Variants in PLA1A observed in about 807,000 individuals in gnomAD.
PLA1A encodes phosphatidylserine-specific phospholipase A1alpha.
PLA1A carries 47 observed loss-of-function variants against 49.4 expected under a neutral mutation model. That is an observed-to-expected ratio of 0.95 (90% CI 0.75 to 1.21). The LOEUF (loss-of-function observed/expected upper bound fraction) is 1.21, where lower values mean the gene tolerates loss of function less well. Ranked by LOEUF, PLA1A falls within the 50% of genes most tolerant of loss-of-function variation. PLA1A has a pLI of 0.00. For synonymous variants in PLA1A, 224 were observed against 207.9 expected (o/e 1.08, Z -0.67); for missense variants, 561 against 563.9 (o/e 0.99, Z 0.05).
intron 8 of PLA1A, among the ~76,000 whole-genome samples, chr3:119,624,863 T>C (rs531143048): frequency 6.6e-6 from 1 of 152,236 alleles, no homozygotes; most frequent in Non-Finnish European, 1.5e-5. Flanking sequence ...ACTCCTGACC[T>C]CAGGTGATCC....
chr3:119,611,087 T>A (rs903983892), intron 4 of PLA1A, among the ~76,000 whole-genome samples: 24 of 152,196 alleles, frequency 1.6e-4, no homozygotes, highest in Non-Finnish European at 2.9e-5. Context: ...CTAAAAAAAG[T>A]GTTAATTTTT....
chr3:119,619,565 C>A lies in PLA1A; in HGVS notation c.925C>A (p.Leu309Met). The A allele has an allele frequency of 6.2e-7, 1 of 1,611,614 alleles. No individual in the cohort carries two copies. Among genetic ancestry groups the A allele is most frequent in the Non-Finnish European group, 8.5e-7 (1 of 1,177,658 alleles). The change falls in exon 8 of 11, where the codon CTG (leucine) becomes ATG (methionine). Residue 309 changes from leucine to methionine, a missense_variant and splice_region_variant. Coordinates refer to ENST00000273371, the MANE Select transcript of PLA1A (RefSeq NM_015900.4). Reference protein sequence around the residue: ...PFLLSCPRIGLVEQGGVKIEP... With the variant: ...PFLLSCPRIGMVEQGGVKIEP... ...TGTCTTTGCTTCTTTATTTCCAGGA[C>A]TGGTGGAACAAGGTGGTGTCAAGAT... is the stretch of plus-strand genomic sequence containing the variant.
chr3:119,609,879 T>A (rs975684044), intron 4 of PLA1A, among the ~76,000 whole-genome samples: 4 of 152,220 alleles, frequency 2.6e-5, no homozygotes, highest in African/African-American at 7.2e-5. Context: ...ATTACATGGG[T>A]GTAGCATGTG....
intron 9 of PLA1A, 144 bp downstream of exon 9, chr3:119,625,376 T>C: frequency 1.7e-6 from 1 of 600,500 alleles, no homozygotes; most frequent in African/African-American, 1.9e-5. Context: ...GCACCTACTA[T>C]AGATCCAGCC....
intron 10 of PLA1A, 115 bp from the exon 11 acceptor site, chr3:119,629,269 A>T: frequency 1.4e-6 from 1 of 738,402 alleles, no homozygotes; most frequent in Non-Finnish European, 2.5e-6. Flanking sequence ...ACTGGCTCTT[A>T]ATTGTAGGTG....
At chr3:119,628,017 A>G (rs1187407232) in intron 9 of PLA1A, among the ~76,000 whole-genome samples, 16 of 152,172 alleles carry the variant, frequency 1.1e-4, no homozygotes, top group Non-Finnish European at 2.9e-5. Context: ...TGGGGGGGCA[A>G]AGCCAAGAGG....
chr3:119,621,520 C>T (rs951508638), intron 8 of PLA1A, among the ~76,000 whole-genome samples: 5 of 152,254 alleles, frequency 3.3e-5, no homozygotes, highest in African/African-American at 1.2e-4. Flanking sequence ...CACTCTTGGT[C>T]TGCTTTGACT....
intron 8 of PLA1A, chr3:119,620,102 C>T (rs1440520266): frequency 4.4e-6 from 2 of 457,334 alleles, no homozygotes; most frequent in African/African-American, 4.0e-5. Flanking sequence ...CACTGTTGCT[C>T]CTAACCATGG....
rs759623026 is a variant in PLA1A at position 119,606,964 on chromosome 3, C to T, written c.264C>T (p.Ile88=). The T allele has an allele frequency of 1.1e-5, 18 of 1,613,268 alleles. No homozygotes were observed. The Admixed American group carries it at 3.0e-4, about 27-fold the overall frequency. The change falls in exon 2 of 11, where the codon ATC becomes ATT. Residue 88 remains isoleucine (I), a synonymous_variant. Coordinates refer to ENST00000273371, the MANE Select transcript of PLA1A (RefSeq NM_015900.4). ...FNATLGTKLI[I]HGFRVLGTKP... ...CCACTCTGGGAACCAAACTAATTAT[C>T]CATGGATTCAGGTGGGAGTTAAATA...
At chr3:119,609,256 C>G (rs2082733184) in intron 3 of PLA1A, among the ~76,000 whole-genome samples, 1 of 152,004 alleles carries the variant, frequency 6.6e-6, no homozygotes, top group African/African-American at 2.4e-5. Flanking sequence ...CTTTGGGCAC[C>G]AAAAGGAGAG....
intron 1 of PLA1A, among the ~76,000 whole-genome samples, chr3:119,601,599 T>C (rs1350082239): frequency 6.6e-6 from 1 of 152,248 alleles, no homozygotes; most frequent in Non-Finnish European, 1.5e-5. Context: ...GTAGAGGCAG[T>C]ATCTGAATAT....
chr3:119,616,139 G>T (rs2247660), intron 6 of PLA1A, 38 bp downstream of exon 6: 1 of 1,302,740 alleles, frequency 7.7e-7, no homozygotes, highest in East Asian at 2.3e-5. Context: ...TGGCAACCCC[G>T]GAGATTGAAA....
At chr3:119,618,570 C>A (rs2082885065) in intron 7 of PLA1A, among the ~76,000 whole-genome samples, 1 of 152,186 alleles carries the variant, frequency 6.6e-6, no homozygotes, top group African/African-American at 2.4e-5. Flanking sequence ...AAGAGTGGAA[C>A]ACAAGACCTA....
intron 8 of PLA1A, among the ~76,000 whole-genome samples, chr3:119,620,740 G>A (rs2082917756): frequency 6.6e-6 from 1 of 152,190 alleles, no homozygotes; most frequent in Non-Finnish European, 1.5e-5. Flanking sequence ...GTATCTTCAT[G>A]CCAGAGAAAA....
intron 4 of PLA1A, among the ~76,000 whole-genome samples, chr3:119,612,350 C>T (rs1048588457): frequency 6.6e-6 from 1 of 152,180 alleles, no homozygotes; most frequent in East Asian, 1.9e-4. Context: ...ATGATGAGGA[C>T]TAGAGTGTGT....
rs1352420571 is a variant in PLA1A at position 119,609,281 on chromosome 3, G to A, written c.454-187G>A. ...CAAAAGGAGAGTAAGGGGGTTGTCA[G>A]GGTGGGGAGCCCAGGAAGAGAAAAA... On this transcript the variant is annotated intron_variant, in intron 3 of 10. Coordinates refer to ENST00000273371, the MANE Select transcript of PLA1A (RefSeq NM_015900.4). Among the ~76,000 whole-genome samples, 4 of 152,196 alleles carry A rather than the reference G, an allele frequency of 2.6e-5. No homozygotes were observed. The South Asian group carries it at 8.3e-4, about 31-fold the overall frequency.
intron 1 of PLA1A, among the ~76,000 whole-genome samples, chr3:119,605,650 C>T (rs1167488697): frequency 6.6e-6 from 1 of 152,230 alleles, no homozygotes; most frequent in Non-Finnish European, 1.5e-5. Context: ...ATGTACCCTG[C>T]TGCTCCTGCC....
At chr3:119,598,323 A>G (rs937694507) in intron 1 of PLA1A, among the ~76,000 whole-genome samples, 1 of 152,212 alleles carries the variant, frequency 6.6e-6, no homozygotes, top group African/African-American at 2.4e-5. Flanking sequence ...AATATCCACC[A>G]TTCCAAGATA....
intron 8 of PLA1A, among the ~76,000 whole-genome samples, chr3:119,623,720 T>TC (rs201298404): frequency 1.7e-3 from 66 of 39,314 alleles, no homozygotes; most frequent in East Asian, 5.0e-3. Context: ...TCTCTTTCTT[T>TC]TTTTTTTTTT....
Sources: allele counts gnomAD v4.1 joint callset (sites outside exome capture counted in the v4.1 genomes callset), GRCh38; gene constraint gnomAD v4.1.1; transcripts MANE v1.5; gene names NCBI Gene and HGNC (gene_info 2026-07-23, HGNC 2026-07-21).